Variants in GLMN observed in about 807,000 individuals in gnomAD.
GLMN encodes glomulin, FKBP associated protein, also known as glomulin.
GLMN carries 75 observed loss-of-function variants against 87.8 expected under a neutral mutation model. That is an observed-to-expected ratio of 0.85 (90% CI 0.71 to 1.04). GLMN has a LOEUF of 1.04. Among genes scored for constraint, GLMN ranks in the 50% least tolerant of loss-of-function variants. The pLI, the probability that GLMN is intolerant of heterozygous loss-of-function variation, is 0.00. For synonymous variants in GLMN, 206 were observed against 221.6 expected (o/e 0.93, Z 0.63); for missense variants, 588 against 658.8 (o/e 0.89, Z 1.18).
chr1:92,272,162 C>T lies in GLMN; in HGVS notation c.736-510G>A, dbSNP rs72958758. ...GCTTAGAGGAAATGAATTCTGCCAG[C>T]GGAGGAAACCTGAAAGTGGATCTTT... On this transcript the variant is annotated intron_variant, in intron 7 of 18. Coordinates refer to ENST00000370360, the MANE Select transcript of GLMN (RefSeq NM_053274.3). 9.9e-3 allele frequency among the ~76,000 whole-genome samples: 1,508 copies of T among 152,252 alleles called. 24 individuals carry two copies. Among genetic ancestry groups the T allele is most frequent in the African/African-American group, 0.035 (1,440 of 41,550 alleles).
At chr1:92,326,510 G>A in the GLMN span, among the ~76,000 whole-genome samples, 1 of 152,108 alleles carries the variant, frequency 6.6e-6, no homozygotes, top group Non-Finnish European at 1.5e-5. Context: ...CTGTGGGTAG[G>A]GCCGTAGAAC....
Position 92,271,461 on chromosome 1 carries a change from T to C in GLMN, c.923+4A>G. On this transcript the variant is annotated splice_donor_region_variant and intron_variant, in intron 8 of 18. Coordinates refer to ENST00000370360, the MANE Select transcript of GLMN (RefSeq NM_053274.3). The stretch of plus-strand genomic sequence containing the variant: ...ACATGAATAAACCAAACACTAACTC[T>C]TACCTTAAGACCATTGGAAGCTGAT... 3 of 1,607,412 alleles carry C rather than the reference T, an allele frequency of 1.9e-6. No homozygotes were observed. Among genetic ancestry groups the C allele is most frequent in the Admixed American group, 1.7e-5 (1 of 60,000 alleles).
chr1:92,322,295 A>G, the GLMN span, among the ~76,000 whole-genome samples: 1 of 150,906 alleles, frequency 6.6e-6, no homozygotes. Flanking sequence ...CAGTAATCCC[A>G]GCAGTTTGGG....
At chr1:92,353,484 T>G in the GLMN span, among the ~76,000 whole-genome samples, 1 of 152,220 alleles carries the variant, frequency 6.6e-6, no homozygotes, top group Non-Finnish European at 1.5e-5. Flanking sequence ...TTTAGGAATT[T>G]CTACTATACA....
chr1:92,364,666 A>G, the GLMN span, among the ~76,000 whole-genome samples: 1 of 152,024 alleles, frequency 6.6e-6, no homozygotes, highest in Non-Finnish European at 1.5e-5. Context: ...TATCTAATCA[A>G]TTGCTAAGTC....
At chr1:92,293,221 C>T (rs1474384027) in intron 3 of GLMN, among the ~76,000 whole-genome samples, 3 of 152,166 alleles carry the variant, frequency 2.0e-5, no homozygotes, top group Non-Finnish European at 4.4e-5. Context: ...GCATCATTAT[C>T]ATCAGAGAAA....
chr1:92,249,526 CAT>C (rs917487153), intron 16 of GLMN, among the ~76,000 whole-genome samples: 1 of 151,884 alleles, frequency 6.6e-6, no homozygotes, highest in Non-Finnish European at 1.5e-5. Flanking sequence ...TGATATTTTA[CAT>C]ATTTATGGGT....
At chr1:92,345,966 AT>A in the GLMN span, 1 of 1,263,990 alleles carries the variant, frequency 7.9e-7, no homozygotes. Flanking sequence ...AAGCATATTG[AT>A]TAGGGAAAAA....
the GLMN span, among the ~76,000 whole-genome samples, chr1:92,345,492 C>T: frequency 6.7e-6 from 1 of 149,078 alleles, no homozygotes; most frequent in Non-Finnish European, 1.5e-5. Context: ...GGAGGAATTG[C>T]TTGGTTAGGG....
the GLMN span, among the ~76,000 whole-genome samples, chr1:92,362,619 C>G: frequency 2.2e-4 from 34 of 152,170 alleles, no homozygotes; most frequent in Middle Eastern, 3.2e-3. Flanking sequence ...AAAAGCACTT[C>G]AGAAACTGCT....
chr1:92,288,956 T>C lies in GLMN; in HGVS notation c.590A>G (p.Asn197Ser). ...FVEEVIDNKE[N>S]SLENEKLKDE... ...CTTTAACTTTTCATTTTCCAGTGAG[T>C]TTTCTTTGTTATCAATGACTTCTTC... The change falls in exon 6 of 19, where the codon AAC (asparagine) becomes AGC (serine). Residue 197 changes from asparagine (N) to serine (S), a missense_variant. Transcript: ENST00000370360. 2 of 1,610,036 alleles carry C rather than the reference T, an allele frequency of 1.2e-6. No individual in the cohort carries two copies. Among genetic ancestry groups the C allele is most frequent in the Non-Finnish European group, 1.7e-6 (2 of 1,176,336 alleles).
chr1:92,281,682 A>G (rs1161006348), intron 7 of GLMN, among the ~76,000 whole-genome samples: 1 of 152,212 alleles, frequency 6.6e-6, no homozygotes, highest in African/African-American at 2.4e-5. Flanking sequence ...GGCAAATTGA[A>G]TAAAGAGTCA....
chr1:92,323,290 T>G, the GLMN span, among the ~76,000 whole-genome samples: 1 of 151,848 alleles, frequency 6.6e-6, no homozygotes, highest in Admixed American at 6.6e-5. Context: ...AATTTATATA[T>G]CAGAACCTAG....
At chr1:92,313,630 T>TA in the GLMN span, among the ~76,000 whole-genome samples, 1 of 152,140 alleles carries the variant, frequency 6.6e-6, no homozygotes, top group Non-Finnish European at 1.5e-5. Flanking sequence ...GGCTTCAACT[T>TA]AAAGTTACCA....
chr1:92,261,823 G>A (rs1028956313), intron 16 of GLMN, among the ~76,000 whole-genome samples: 3 of 49,632 alleles, frequency 6.0e-5, no homozygotes, highest in Non-Finnish European at 1.3e-4. Flanking sequence ...ATAGACTGAC[G>A]GAGTGATAGA....
At chr1:92,349,181 G>A in the GLMN span, among the ~76,000 whole-genome samples, 1 of 152,078 alleles carries the variant, frequency 6.6e-6, no homozygotes, top group African/African-American at 2.4e-5. Context: ...AGACATTTCT[G>A]GAATTCATGT....
At chr1:92,289,195 T>C in intron 5 of GLMN, 44 bp from the exon 6 acceptor site, 1 of 1,127,998 alleles carries the variant, frequency 8.9e-7, no homozygotes. Flanking sequence ...ATGCTAAACA[T>C]GGGACAAGAA....
Position 92,263,677 on chromosome 1 carries a change from A to G in GLMN, c.1355T>C (p.Leu452Ser), listed in dbSNP as rs762938142. The change falls in exon 15 of 19, where the codon TTG becomes TCG. Residue 452 changes from leucine to serine, a missense_variant. Transcript: ENST00000370360. ...TGCACCCTCTGGGAGAAAAAGTACC[A>G]AATCAAGAAGGGAAATCAACTGTGG... is the stretch of plus-strand genomic sequence containing the variant. ...TGPQLISLLDLVLFLPEGAET... is the reference protein window; with the variant it reads ...TGPQLISLLDSVLFLPEGAET... 4.4e-6 allele frequency: 7 copies of G among 1,605,530 alleles called. No homozygotes were observed. Among genetic ancestry groups the G allele is most frequent in the Middle Eastern group, 1.7e-4 (1 of 6,046 alleles).
At chr1:92,315,456 G>A in the GLMN span, among the ~76,000 whole-genome samples, 1 of 152,158 alleles carries the variant, frequency 6.6e-6, no homozygotes. Context: ...GAAAAATGGT[G>A]CTGACAGACT....
Sources: allele counts gnomAD v4.1 joint callset (sites outside exome capture counted in the v4.1 genomes callset), GRCh38; gene constraint gnomAD v4.1.1; transcripts MANE v1.5; gene names NCBI Gene and HGNC (gene_info 2026-07-23, HGNC 2026-07-21).